The following CBFA2T3 variants were observed in gnomAD, a reference collection of about 807,000 sequenced individuals.
CBFA2T3 encodes the protein transcriptional corepressor CBFA2T3.
Under a neutral mutation model 58.6 loss-of-function variants are expected in CBFA2T3, and 31 were observed. The observed-to-expected ratio is 0.53, with a 90% confidence interval of 0.40 to 0.71. CBFA2T3 has a LOEUF of 0.71. CBFA2T3 is among the 30% of genes least tolerant of loss of function. The pLI, the probability that CBFA2T3 is intolerant of heterozygous loss-of-function variation, is 0.00. For missense variants in CBFA2T3, 1,076 were observed against 963.1 expected (o/e 1.12, Z -1.55); for synonymous variants, 531 against 421.9 (o/e 1.26, Z -3.17).
At chr16:88,955,577 A>G (rs1269575707) in intron 1 of CBFA2T3, among the ~76,000 whole-genome samples, 1 of 6,864 alleles carries the variant, frequency 1.5e-4, no homozygotes, top group African/African-American at 6.1e-4. Context: ...TCCTGACCCC[A>G]CCCAAGGCTC....
intron 1 of CBFA2T3, among the ~76,000 whole-genome samples, chr16:88,903,713 G>A (rs574909870): frequency 1.1e-3 from 172 of 151,144 alleles, no homozygotes; most frequent in Non-Finnish European, 1.9e-3. Context: ...TCCTGGTGGG[G>A]GCAGCCCTTC....
intron 2 of CBFA2T3, among the ~76,000 whole-genome samples, chr16:88,898,880 G>A (rs918998165): frequency 3.9e-5 from 6 of 152,234 alleles, no homozygotes; most frequent in Non-Finnish European, 7.3e-5. Context: ...AAGAAAGAAA[G>A]ATTGAATTTG....
rs1972880611 is a variant in CBFA2T3 at position 88,977,016 on chromosome 16, G to A, written c.-209C>T. The A allele has an allele frequency of 3.9e-6, 2 of 512,302 alleles. No homozygotes were observed. Among genetic ancestry groups the A allele is most frequent in the South Asian group, 6.8e-5 (2 of 29,312 alleles). The allele number at this position is 512,302 out of a possible 1,614,324, so 31.7% of individuals were successfully genotyped here. A position where few individuals can be genotyped will look rare whatever the true frequency, so the allele number is the denominator to read the frequency against. On this transcript the variant is annotated 5_prime_UTR_variant, in exon 1 of 12. Coordinates refer to ENST00000268679, the MANE Select transcript of CBFA2T3 (RefSeq NM_005187.6). ...CCTGGGGAGGGGGTGGGAGCCCTGG[G>A]GCTCATGTGACGCGGGGCGGGCCTG...
chr16:88,976,491 G>T (rs1972864382), intron 1 of CBFA2T3, among the ~76,000 whole-genome samples, 166 bp downstream of exon 1: 1 of 152,192 alleles, frequency 6.6e-6, no homozygotes, highest in Non-Finnish European at 1.5e-5. Flanking sequence ...TGCAGGACCT[G>T]CCTGTGGGGT....
chr16:88,885,346 G>A lies in CBFA2T3; in HGVS notation c.894-77C>T, dbSNP rs1969319764. 9.0e-6 allele frequency: 9 copies of A among 997,110 alleles called. No homozygotes were observed. Among genetic ancestry groups the A allele is most frequent in the Middle Eastern group, 2.2e-4 (1 of 4,456 alleles). The allele number at this position is 997,110 out of a possible 1,614,324, so 61.8% of individuals were successfully genotyped here. On this transcript the variant is annotated intron_variant, in intron 6 of 11. Coordinates refer to ENST00000268679, the MANE Select transcript of CBFA2T3 (RefSeq NM_005187.6). This position sits in a 1 kb window ranked among gnomAD's most constrained non-coding sequence, Gnocchi z 5.3. Reference sequence around the variant, plus strand: ...GACAGAGGTGCAGGTGGGGTGAGAGGCAGACAGGCAAGGGCAGAGAGAAAG... The same window carrying A: ...GACAGAGGTGCAGGTGGGGTGAGAGACAGACAGGCAAGGGCAGAGAGAAAG...
At chr16:88,900,884 C>G (rs1040983833) in intron 2 of CBFA2T3, among the ~76,000 whole-genome samples, 4 of 152,256 alleles carry the variant, frequency 2.6e-5, no homozygotes, top group African/African-American at 9.6e-5. Context: ...GCACGGCCAA[C>G]CCCTTGCCAG....
chr16:88,890,318 G>C (rs1414056359), intron 5 of CBFA2T3, among the ~76,000 whole-genome samples: 1 of 152,226 alleles, frequency 6.6e-6, no homozygotes, highest in East Asian at 1.9e-4. Context: ...GCCTCACCCA[G>C]GGGCCAACAG....
chr16:88,913,735 A>G (rs1285502183), intron 1 of CBFA2T3, among the ~76,000 whole-genome samples: 1 of 152,240 alleles, frequency 6.6e-6, no homozygotes, highest in Non-Finnish European at 1.5e-5. Flanking sequence ...TGTTTGTCAC[A>G]GCATCGTTTA....
chr16:88,888,794 C>T (rs1969504799), intron 5 of CBFA2T3, among the ~76,000 whole-genome samples: 1 of 151,786 alleles, frequency 6.6e-6, no homozygotes, highest in South Asian at 2.1e-4. Context: ...GTCCCACTGG[C>T]CCCGGGCCCC....
chr16:88,920,304 T>TCC (rs1970869842), intron 1 of CBFA2T3, among the ~76,000 whole-genome samples: 1 of 152,102 alleles, frequency 6.6e-6, no homozygotes, highest in South Asian at 2.1e-4. Context: ...TGAGATGGAG[T>TCC]CTCGCTCTGT....
intron 1 of CBFA2T3, among the ~76,000 whole-genome samples, chr16:88,919,823 G>A (rs772801996): frequency 6.6e-6 from 1 of 152,222 alleles, no homozygotes; most frequent in Non-Finnish European, 1.5e-5. Flanking sequence ...CAGGTCTGGA[G>A]GCCGCATCAG....
intron 1 of CBFA2T3, among the ~76,000 whole-genome samples, chr16:88,940,606 G>A (rs1285017863): frequency 1.3e-5 from 2 of 152,194 alleles, no homozygotes; most frequent in African/African-American, 4.8e-5. Flanking sequence ...CGGGCAGGAG[G>A]GAGAGGAGCA....
intron 1 of CBFA2T3, among the ~76,000 whole-genome samples, chr16:88,905,469 C>A (rs1163498082): frequency 2.0e-5 from 3 of 151,972 alleles, no homozygotes; most frequent in African/African-American, 7.3e-5. Flanking sequence ...GGCGGTCCTG[C>A]CTCTTGTTTG....
intron 1 of CBFA2T3, among the ~76,000 whole-genome samples, chr16:88,921,079 C>T (rs1019912463): frequency 3.3e-5 from 5 of 152,254 alleles, no homozygotes; most frequent in African/African-American, 9.6e-5. Flanking sequence ...GGGCCTTCCC[C>T]CAGGCAAGGC....
At chr16:88,974,448 A>C (rs1445819702) in intron 1 of CBFA2T3, among the ~76,000 whole-genome samples, 2 of 151,442 alleles carry the variant, frequency 1.3e-5, no homozygotes, top group Admixed American at 6.6e-5. Flanking sequence ...GATTGCTTAC[A>C]CCTCAGCCCC....
intron 1 of CBFA2T3, chr16:88,938,524 C>T (rs755312305): frequency 6.6e-6 from 1 of 152,244 alleles, no homozygotes; most frequent in Non-Finnish European, 1.5e-5. Flanking sequence ...TAAGCCCCAG[C>T]GCTGTTGTAG....
Position 88,892,444 on chromosome 16 carries a change from C to T in CBFA2T3, c.421G>A (p.Ala141Thr), listed in dbSNP as rs1412904372. The change falls in exon 4 of 12, where the codon GCA (alanine) becomes ACA (threonine). Residue 141 changes from alanine (A) to threonine (T), a missense_variant. Ala to Thr is a moderately conservative substitution (Grantham distance 58). Transcript: ENST00000268679. ...SSHSPTAING[A>T]PCTPNGFSNG... ...CTGAAGCCGTTGGGTGTGCACGGTG[C>T]ACCATTGATGGCTGTTGGTGAGTGG... is the stretch of plus-strand genomic sequence containing the variant. 1 of 1,613,390 alleles carries T rather than the reference C, an allele frequency of 6.2e-7. No homozygotes were observed. The highest frequency in any genetic ancestry group is 8.5e-7 in the Non-Finnish European group (1 of 1,179,998).
rs541926046 is a variant in CBFA2T3 at position 88,928,140 on chromosome 16, C to T, written c.152-26484G>A. ...ATCACTGTCCCACGGGGCTCTGTTC[C>T]GACTCCTTGGCCCGAGGGTCTCTGA... is the stretch of plus-strand genomic sequence containing the variant. On this transcript the variant is annotated intron_variant, in intron 1 of 11. Coordinates refer to ENST00000268679, the MANE Select transcript of CBFA2T3 (RefSeq NM_005187.6). Among the ~76,000 whole-genome samples, 10 of 151,084 alleles carry T rather than the reference C, an allele frequency of 6.6e-5. No homozygotes were observed. The South Asian group carries it at 1.2e-3, about 19-fold the overall frequency.
At chr16:88,909,484 C>A (rs12931281) in intron 1 of CBFA2T3, among the ~76,000 whole-genome samples, 2 of 71,158 alleles carry the variant, frequency 2.8e-5, no homozygotes, top group Non-Finnish European at 6.3e-5. Flanking sequence ...CCGGGTGACC[C>A]CGACGGCAGC....
Sources: allele counts gnomAD v4.1 joint callset (sites outside exome capture counted in the v4.1 genomes callset), GRCh38; gene constraint gnomAD v4.1.1; non-coding constraint Gnocchi (gnomAD v3.1); transcripts MANE v1.5; gene names NCBI Gene and HGNC (gene_info 2026-07-23, HGNC 2026-07-21).